Variants in EIF1B observed in about 807,000 individuals in gnomAD.
The protein encoded by EIF1B is protein translation factor SUI1 homolog GC20.
In EIF1B, 5 loss-of-function variants were observed where a neutral mutation model predicts 14.8. That is an observed-to-expected ratio of 0.34 (90% CI 0.18 to 0.71). The LOEUF (loss-of-function observed/expected upper bound fraction) is 0.71. EIF1B is among the 30% of genes least tolerant of loss of function. The pLI, the probability that EIF1B is intolerant of heterozygous loss-of-function variation, is 0.64. For synonymous variants in EIF1B, 45 were observed against 45.8 expected (o/e 0.98, Z 0.07); for missense variants, 56 against 134.0 (o/e 0.42, Z 2.87).
intron 1 of EIF1B, among the ~76,000 whole-genome samples, chr3:40,310,476 A>C (rs181707175): frequency 2.3e-5 from 3 of 128,082 alleles, no homozygotes; most frequent in South Asian, 5.6e-4. Context: ...TATGTAATCT[A>C]CTTTTTTTTT....
chr3:40,309,833 G>GCGTTTTCTTATTTATTTC lies in EIF1B; in HGVS notation c.-100_-83dup. 1.5e-6 allele frequency: 2 copies of GCGTTTTCTTATTTATTTC among 1,356,882 alleles called. No individual in the cohort carries two copies. Among genetic ancestry groups the GCGTTTTCTTATTTATTTC allele is most frequent in the South Asian group, 2.4e-5 (2 of 85,076 alleles). The allele number at this position is 1,356,882 out of a possible 1,614,324, so 84.1% of individuals were successfully genotyped here. On this transcript the variant is annotated 5_prime_UTR_variant, in exon 1 of 4. Coordinates refer to ENST00000232905, the MANE Select transcript of EIF1B (RefSeq NM_005875.3). ...AGCCTAATCCCAACCCCAGGGCGAA[G>GCGTTTTCTTATTTATTTC]CGTTTTCTTATTTATTTCCGTTTTC...
rs563941264 is a variant in EIF1B, at chr3:40,310,836, C to T, written c.32-57C>T. 206 of 1,482,536 alleles carry T rather than the reference C, an allele frequency of 1.4e-4. No individual in the cohort carries two copies. In the African/African-American group the frequency reaches 2.6e-3, roughly 19 times the overall value. 91.8% of individuals were successfully genotyped at this position (1,482,536 alleles called of 1,614,324 possible). On this transcript the variant is annotated intron_variant, in intron 1 of 3. Transcript: ENST00000232905. The stretch of plus-strand genomic sequence containing the variant: ...TAGTATAATGTATTTCTGGAAAGTA[C>T]TTCTTAAAAAATATTTTTCTACTTT...
At chr3:40,310,088 G>T in intron 1 of EIF1B, 116 bp downstream of exon 1, 1 of 1,397,338 alleles carries the variant, frequency 7.2e-7, no homozygotes, top group African/African-American at 1.4e-5. Context: ...CCCTAGTGGG[G>T]CTTTGTCTCG....
In EIF1B at chr3:40,311,078, G is replaced by T. The variant is rs551375221; in HGVS notation, c.195+22G>T. ...AAAGGTAAAGGGATTAGGAAGAAAG[G>T]ATTAGAGTTACTGATGCACACCTCT... On this transcript the variant is annotated intron_variant, in intron 2 of 3. Coordinates refer to ENST00000232905, the MANE Select transcript of EIF1B (RefSeq NM_005875.3). 5.4e-5 allele frequency: 87 copies of T among 1,610,628 alleles called. No homozygotes were observed. The South Asian group carries it at 7.9e-4, about 15-fold the overall frequency.
chr3:40,311,955 G>A lies in EIF1B; in HGVS notation c.298-15G>A. 1 of 1,579,342 alleles carries A rather than the reference G, an allele frequency of 6.3e-7. No homozygotes were observed. Among genetic ancestry groups the A allele is most frequent in the African/African-American group, 1.3e-5 (1 of 74,256 alleles). On this transcript the variant is annotated splice_polypyrimidine_tract_variant and intron_variant, in intron 3 of 3. Coordinates refer to ENST00000232905, the MANE Select transcript of EIF1B (RefSeq NM_005875.3). ...TTCTCAGAGTTATTTTGCTAAATTAGATTTTATTTTACAGGTTGGCATTGT... is the reference window on the plus strand; with the variant it reads ...TTCTCAGAGTTATTTTGCTAAATTAAATTTTATTTTACAGGTTGGCATTGT...
chr3:40,312,147 T>C lies in EIF1B; in HGVS notation c.*133T>C, dbSNP rs1954333246. ...AATCATTCAAACTTCCATTCACATCTGCATGATTACAGAAAACATGGGGTA... is the reference window on the plus strand; with the variant it reads ...AATCATTCAAACTTCCATTCACATCCGCATGATTACAGAAAACATGGGGTA... On this transcript the variant is annotated 3_prime_UTR_variant, in exon 4 of 4. Coordinates refer to ENST00000232905, the MANE Select transcript of EIF1B (RefSeq NM_005875.3). The C allele has an allele frequency of 7.2e-6, 5 of 692,990 alleles. No individual in the cohort carries two copies. The highest frequency in any genetic ancestry group is 1.0e-5 in the Non-Finnish European group (4 of 393,046). 42.9% of individuals were successfully genotyped at this position (692,990 alleles called of 1,614,324 possible).
In EIF1B at chr3:40,309,972, G is replaced by C. The variant is rs1159902460; in HGVS notation, c.31G>C (p.Asp11His). 3 of 1,613,716 alleles carry C rather than the reference G, an allele frequency of 1.9e-6. No homozygotes were observed. The highest frequency in any genetic ancestry group is 1.7e-6 in the Non-Finnish European group (2 of 1,179,964). MSTIQNLQSFDPFADATKGDD... is the reference protein window; with the variant it reads MSTIQNLQSFHPFADATKGDD... ...CACTATCCAGAACCTCCAATCTTTC[G>C]GTAAGATCCCGTCGCCGCCGCCTCC... Residue 11 changes from aspartate to histidine, a missense_variant and splice_region_variant, in exon 1 of 4, where the codon GAC becomes CAC. Around this residue, in one of 3 missense-constraint regions of EIF1B, gnomAD observed 20 missense variants for 29.2 expected, o/e 0.69. Transcript: ENST00000232905.
chr3:40,309,838 T>G lies in EIF1B; in HGVS notation c.-104T>G. On this transcript the variant is annotated 5_prime_UTR_variant, in exon 1 of 4. Coordinates refer to ENST00000232905, the MANE Select transcript of EIF1B (RefSeq NM_005875.3). Reference sequence around the variant, plus strand: ...AATCCCAACCCCAGGGCGAAGCGTTTTCTTATTTATTTCCGTTTTCTCGCC... The same window carrying G: ...AATCCCAACCCCAGGGCGAAGCGTTGTCTTATTTATTTCCGTTTTCTCGCC... 3 of 1,387,622 alleles carry G rather than the reference T, an allele frequency of 2.2e-6. No homozygotes were observed. Among genetic ancestry groups the G allele is most frequent in the Non-Finnish European group, 3.1e-6 (3 of 982,388 alleles). The allele number at this position is 1,387,622 out of a possible 1,614,324, so 86.0% of individuals were successfully genotyped here.
At position 40,312,398 on chromosome 3, in the gene EIF1B, G is replaced by A. The variant is rs1255466122; in HGVS notation, c.*384G>A. 7 of 179,138 alleles carry A rather than the reference G, an allele frequency of 3.9e-5. No homozygotes were observed. In the East Asian group the frequency reaches 1.2e-3, roughly 31 times the overall value. The allele number at this position is 179,138 out of a possible 1,614,324, so 11.1% of individuals were successfully genotyped here. A position where few individuals can be genotyped will look rare whatever the true frequency, so the allele number is the denominator to read the frequency against. ...CAATTATGCTCCCAAATCTAAGCAA[G>A]TAAAATACACATTTTGTCTTTCTTA... On this transcript the variant is annotated 3_prime_UTR_variant, in exon 4 of 4. Transcript: ENST00000232905.
intron 3 of EIF1B, 111 bp from the exon 4 acceptor site, chr3:40,311,857 CAG>C: frequency 1.2e-6 from 1 of 844,664 alleles, no homozygotes; most frequent in Admixed American, 2.0e-5. Context: ...CCACAGACAA[CAG>C]TGTTGCAGTA....
intron 2 of EIF1B, 193 bp downstream of exon 2, chr3:40,311,249 T>C: frequency 1.6e-6 from 1 of 620,164 alleles, no homozygotes. Flanking sequence ...TTCGCGTTGC[T>C]TTTAAATAAA....
chr3:40,309,917 C>T lies in EIF1B; in HGVS notation c.-25C>T, dbSNP rs758485128. The T allele has an allele frequency of 2.1e-5, 34 of 1,613,660 alleles. No homozygotes were observed. Among genetic ancestry groups the T allele is most frequent in the Non-Finnish European group, 2.8e-5 (33 of 1,179,822 alleles). On this transcript the variant is annotated 5_prime_UTR_variant, in exon 1 of 4. Coordinates refer to ENST00000232905, the MANE Select transcript of EIF1B (RefSeq NM_005875.3). ...GCGGGCCCCGCAGGAATTTTATCCC[C>T]TCACCGGCCTCACACTAGTATCGCA... is the stretch of plus-strand genomic sequence containing the variant.
At chr3:40,311,210 C>A (rs778649528) in intron 2 of EIF1B, 154 bp downstream of exon 2, 3 of 710,686 alleles carry the variant, frequency 4.2e-6, no homozygotes, top group Non-Finnish European at 6.6e-6. Flanking sequence ...AGTTATTCTC[C>A]CAGTGTGGTC....
chr3:40,310,169 C>T lies in EIF1B; in HGVS notation c.31+197C>T, dbSNP rs186343802. 6.8e-3 allele frequency among the ~76,000 whole-genome samples: 1,038 copies of T among 152,166 alleles called. 13 individuals are homozygous for T. The highest frequency in any genetic ancestry group is 0.023 in the African/African-American group (966 of 41,540). ...GGACAGCGCCGGACTCCGAGCCCTC[C>T]TCTCGGAGCCCCGGCCGCGGGCCCT... On this transcript the variant is annotated intron_variant, in intron 1 of 3. Coordinates refer to ENST00000232905, the MANE Select transcript of EIF1B (RefSeq NM_005875.3).
Position 40,309,867 on chromosome 3 carries a change from A to G in EIF1B, c.-75A>G, listed in dbSNP as rs781134897. The G allele has an allele frequency of 4.5e-6, 7 of 1,541,380 alleles. No individual in the cohort carries two copies. The highest frequency in any genetic ancestry group is 1.7e-4 in the Middle Eastern group (1 of 5,914). On this transcript the variant is annotated 5_prime_UTR_variant, in exon 1 of 4. Transcript: ENST00000232905. The stretch of plus-strand genomic sequence containing the variant: ...TATTTATTTCCGTTTTCTCGCCACT[A>G]CAGCCTCCTGACAAGGTGATCCGGG...
chr3:40,312,272 T>C lies in EIF1B; in HGVS notation c.*258T>C, dbSNP rs868256014. On this transcript the variant is annotated 3_prime_UTR_variant, in exon 4 of 4. Coordinates refer to ENST00000232905, the MANE Select transcript of EIF1B (RefSeq NM_005875.3). ...TGGAAAATGTTTTGAGTGTTTATTG[T>C]TCAGTTTATTACGTTTCACTTGATT... 2.4e-6 allele frequency: 1 copy of C among 411,656 alleles called. No homozygotes were observed. The highest frequency in any genetic ancestry group is 4.5e-5 in the East Asian group (1 of 22,228). 25.5% of individuals were successfully genotyped at this position (411,656 alleles called of 1,614,324 possible). A position where few individuals can be genotyped will look rare whatever the true frequency, so the allele number is the denominator to read the frequency against.
In EIF1B at chr3:40,311,060, A is replaced by G. The variant is rs1474544421; in HGVS notation, c.195+4A>G. ...ACTTGTGAAAGCTTTCAAAAAGGTA[A>G]AGGGATTAGGAAGAAAGGATTAGAG... On this transcript the variant is annotated splice_donor_region_variant and intron_variant, in intron 2 of 3. Coordinates refer to ENST00000232905, the MANE Select transcript of EIF1B (RefSeq NM_005875.3). The G allele has an allele frequency of 6.2e-7, 1 of 1,613,730 alleles. No individual in the cohort carries two copies.
At position 40,312,137 on chromosome 3, in the gene EIF1B, C is replaced by T; in HGVS notation, c.*123C>T. The stretch of plus-strand genomic sequence containing the variant: ...TCATTTATTTAATCATTCAAACTTC[C>T]ATTCACATCTGCATGATTACAGAAA... On this transcript the variant is annotated 3_prime_UTR_variant, in exon 4 of 4. Transcript: ENST00000232905. The T allele has an allele frequency of 4.1e-6, 3 of 730,744 alleles. No homozygotes were observed. The highest frequency in any genetic ancestry group is 7.2e-6 in the Non-Finnish European group (3 of 414,986). 45.3% of individuals were successfully genotyped at this position (730,744 alleles called of 1,614,324 possible).
At position 40,311,665 on chromosome 3, in the gene EIF1B, A is replaced by G. The variant is rs1356678037; in HGVS notation, c.297+94A>G. On this transcript the variant is annotated intron_variant, in intron 3 of 3. Coordinates refer to ENST00000232905, the MANE Select transcript of EIF1B (RefSeq NM_005875.3). ...TTTGTTTTCTACTAAGTAAAAAATCATACGAATGAAGGAAATTAGGTGAAA... is the reference window on the plus strand; with the variant it reads ...TTTGTTTTCTACTAAGTAAAAAATCGTACGAATGAAGGAAATTAGGTGAAA... 2.9e-6 allele frequency: 3 copies of G among 1,027,994 alleles called. No homozygotes were observed. The East Asian group carries it at 7.4e-5, about 25-fold the overall frequency. The allele number at this position is 1,027,994 out of a possible 1,614,324, so 63.7% of individuals were successfully genotyped here.
Sources: gnomAD v4.1 joint callset for allele counts (sites outside exome capture counted in the v4.1 genomes callset) on GRCh38, gnomAD v4.1.1 for gene constraint, gnomAD v4.1.1 regional missense constraint, MANE v1.5 for transcripts, NCBI Gene and HGNC (gene_info 2026-07-23, HGNC 2026-07-21) for gene names.